Variants in PTPRD observed in about 807,000 individuals in gnomAD.
The protein encoded by PTPRD is protein tyrosine phosphatase receptor type D.
Under a neutral mutation model 214.5 loss-of-function variants are expected in PTPRD, and 34 were observed. The ratio of observed to expected loss-of-function variants is 0.16; its 90% CI spans 0.12 to 0.21. The LOEUF (loss-of-function observed/expected upper bound fraction) is 0.21. PTPRD is among the 10% of genes least tolerant of loss of function. The pLI is 1.00. For missense variants in PTPRD, 2,545 were observed against 2,398.7 expected, an observed-to-expected ratio of 1.06 and a Z score of -1.27; for synonymous variants, 1,128 against 845.7, an observed-to-expected ratio of 1.33 and a Z score of -5.79.
intron 2 of PTPRD, among the ~76,000 whole-genome samples, chr9:10,455,060 C>G (rs1017571161): frequency 4.6e-5 from 7 of 151,724 alleles, no homozygotes; most frequent in South Asian, 2.1e-4. Flanking sequence ...TACCATCTCT[C>G]AACTAACCTG....
At chr9:9,331,119 C>G (rs1352571341) in intron 9 of PTPRD, among the ~76,000 whole-genome samples, 2 of 151,994 alleles carry the variant, frequency 1.3e-5, no homozygotes, top group African/African-American at 2.4e-5. Flanking sequence ...GTTTCAAGGA[C>G]TAGCTATTCT....
chr9:9,977,557 G>A (rs1234521123), intron 4 of PTPRD, among the ~76,000 whole-genome samples: 1 of 151,996 alleles, frequency 6.6e-6, no homozygotes, highest in Non-Finnish European at 1.5e-5. Flanking sequence ...ATTTTTAAGG[G>A]GTTTCCAAGC....
chr9:9,537,110 G>A (rs1397723636), intron 8 of PTPRD, among the ~76,000 whole-genome samples: 1 of 151,862 alleles, frequency 6.6e-6, no homozygotes, highest in East Asian at 1.9e-4. Flanking sequence ...CAGTAAAGGG[G>A]ACATGATGCA....
intron 7 of PTPRD, among the ~76,000 whole-genome samples, chr9:9,610,137 G>C (rs542539214): frequency 1.3e-5 from 2 of 152,200 alleles, no homozygotes; most frequent in South Asian, 4.1e-4. Context: ...TAAACCAGTA[G>C]AAATACGTTA....
intron 9 of PTPRD, among the ~76,000 whole-genome samples, chr9:9,333,504 T>TGTATATATATATATATATATATATATA (rs1555249397): frequency 1.1e-4 from 15 of 137,226 alleles, no homozygotes; most frequent in African/African-American, 4.4e-4. Context: ...ATATAGTATA[T>TGTATATATATATATATATATATATATA]TATATATATA....
rs140252145 is a variant in PTPRD at position 8,885,180 on chromosome 9, T to C, written c.-104+133517A>G. Reference sequence around the variant, plus strand: ...AGTTCCCATTTGGAGACCCTACTCTTCTTGGCTGTGCTAGGTCCTTTACTT... The same window carrying C: ...AGTTCCCATTTGGAGACCCTACTCTCCTTGGCTGTGCTAGGTCCTTTACTT... On this transcript the variant is annotated intron_variant, in intron 11 of 45. Transcript: ENST00000381196. 2.9e-3 allele frequency among the ~76,000 whole-genome samples: 441 copies of C among 152,276 alleles called. 2 individuals carry two copies. Among genetic ancestry groups the C allele is most frequent in the African/African-American group, 0.01 (422 of 41,554 alleles).
chr9:10,482,548 G>C (rs1006329901), intron 2 of PTPRD, among the ~76,000 whole-genome samples: 4 of 151,760 alleles, frequency 2.6e-5, no homozygotes, highest in Non-Finnish European at 5.9e-5. Flanking sequence ...AAAAGATTAT[G>C]ATTTAATAAA....
chr9:8,341,239 T>C lies in PTPRD; in HGVS notation c.4977A>G (p.Ser1659=). The C allele has an allele frequency of 6.2e-7, 1 of 1,611,070 alleles. No homozygotes were observed. Among genetic ancestry groups the C allele is most frequent in the Non-Finnish European group, 8.5e-7 (1 of 1,178,382 alleles). The change falls in exon 41 of 46, where the codon TCA becomes TCG. Residue 1659 remains serine (S), a synonymous_variant. Coordinates refer to ENST00000381196, the MANE Select transcript of PTPRD (RefSeq NM_002839.4). ...ATGGAAGATTGGCACTGATAAACCT[T>C]GAGGTGTGAGCTTTTGAGCTGGCTA... The part of the protein sequence containing the change: ...KRLASSKAHT[S]RFISANLPCN...
intron 7 of PTPRD, among the ~76,000 whole-genome samples, chr9:9,619,276 A>G (rs1266260507): frequency 6.6e-6 from 1 of 152,048 alleles, no homozygotes; most frequent in Admixed American, 6.6e-5. Flanking sequence ...ATGAAGTTGC[A>G]GTATCATTTT....
chr9:9,794,306 T>TA (rs768835691), intron 5 of PTPRD, among the ~76,000 whole-genome samples: 6 of 152,006 alleles, frequency 3.9e-5, no homozygotes, highest in Non-Finnish European at 8.8e-5. Flanking sequence ...TGGAAGGTGT[T>TA]ACCAAGAAAT....
chr9:9,580,007 T>C (rs1201859435), intron 7 of PTPRD, among the ~76,000 whole-genome samples: 1 of 152,130 alleles, frequency 6.6e-6, no homozygotes, highest in African/African-American at 2.4e-5. Context: ...TCCAGTTCCA[T>C]CCATATTGCT....
rs1264267789 is a variant in PTPRD, at chr9:8,970,051, T to G, written c.-104+48646A>C. The stretch of plus-strand genomic sequence containing the variant: ...GAGATACAGGAAATTGGACTAGGAG[T>G]TAGGTACTTATTCCACCCAATTTTA... On this transcript the variant is annotated intron_variant, in intron 11 of 45. Transcript: ENST00000381196. Among the ~76,000 whole-genome samples, 7 of 151,746 alleles carry G rather than the reference T, an allele frequency of 4.6e-5. No individual in the cohort carries two copies. The South Asian group carries it at 1.5e-3, about 32-fold the overall frequency.
chr9:8,688,573 A>G (rs917825065), intron 12 of PTPRD, among the ~76,000 whole-genome samples: 7 of 151,392 alleles, frequency 4.6e-5, no homozygotes, highest in Non-Finnish European at 1.0e-4. Flanking sequence ...TCAAAAAAAA[A>G]AAAAAAGAAA....
chr9:9,296,530 C>T (rs1323710932), intron 9 of PTPRD, among the ~76,000 whole-genome samples: 1 of 151,698 alleles, frequency 6.6e-6, no homozygotes, highest in East Asian at 1.9e-4. Flanking sequence ...ATTTATTCCT[C>T]CTCCTCCTCC....
At position 8,583,682 on chromosome 9, in the gene PTPRD, C is replaced by T. The variant is rs564723981; in HGVS notation, c.352+49635G>A. On this transcript the variant is annotated intron_variant, in intron 14 of 45. Transcript: ENST00000381196. Reference sequence around the variant, plus strand: ...ATGGAGATAATATATACCTAAATTACGTTGCTTTTGTCATCTGTTATGGGA... The same window carrying T: ...ATGGAGATAATATATACCTAAATTATGTTGCTTTTGTCATCTGTTATGGGA... Among the ~76,000 whole-genome samples the T allele has an allele frequency of 1.1e-3, 170 of 152,208 alleles. 1 individual carries two copies. The highest frequency in any genetic ancestry group is 2.2e-3 in the Non-Finnish European group (149 of 68,028).
intron 10 of PTPRD, among the ~76,000 whole-genome samples, chr9:9,124,660 G>C (rs984048269): frequency 2.0e-5 from 3 of 152,122 alleles, no homozygotes; most frequent in Admixed American, 6.6e-5. Context: ...TTCAGACCTG[G>C]TGGCTGCTAT....
At chr9:8,802,605 A>G (rs2096593952) in intron 11 of PTPRD, among the ~76,000 whole-genome samples, 1 of 152,214 alleles carries the variant, frequency 6.6e-6, no homozygotes, top group South Asian at 2.1e-4. Context: ...AATATTTCCA[A>G]TTACAAATTC....
intron 3 of PTPRD, among the ~76,000 whole-genome samples, chr9:10,202,691 T>C (rs2099432825): frequency 6.9e-6 from 1 of 145,898 alleles, no homozygotes; most frequent in African/African-American, 2.5e-5. Context: ...TATATATATA[T>C]ATATATATGC....
At chr9:9,185,018 T>C (rs561144445) in intron 9 of PTPRD, among the ~76,000 whole-genome samples, 48 of 152,072 alleles carry the variant, frequency 3.2e-4, no homozygotes, top group Non-Finnish European at 5.7e-4. Context: ...ACTGTTCTTA[T>C]AGGCCTCTAT....
Sources: allele counts gnomAD v4.1 joint callset (sites outside exome capture counted in the v4.1 genomes callset), GRCh38; gene constraint gnomAD v4.1.1; transcripts MANE v1.5; gene names NCBI Gene and HGNC (gene_info 2026-07-23, HGNC 2026-07-21).